The following ADGRL2 variants were observed in gnomAD, a reference collection of about 807,000 sequenced individuals.
The protein encoded by ADGRL2 is adhesion G protein-coupled receptor L2.
ADGRL2 carries 44 observed loss-of-function variants against 157.4 expected under a neutral mutation model. The observed-to-expected ratio is 0.28, with a 90% CI of 0.22 to 0.36. The LOEUF (loss-of-function observed/expected upper bound fraction) is 0.36. Ranked by LOEUF, ADGRL2 falls within the 10% of genes least tolerant of loss-of-function variation. The pLI is 1.00. For missense variants in ADGRL2, 1,510 were observed against 1,768.9 expected (o/e 0.85, Z 2.63); for synonymous variants, 585 against 624.7 (o/e 0.94, Z 0.95).
chr1:81,318,149 T>A (rs1570602564), intron 1 of ADGRL2, among the ~76,000 whole-genome samples: 1 of 152,338 alleles, frequency 6.6e-6, no homozygotes, highest in East Asian at 1.9e-4. Flanking sequence ...TGTTTCATGC[T>A]TTCCTGATTT....
intron 3 of ADGRL2, among the ~76,000 whole-genome samples, chr1:81,668,140 C>A (rs576138375): frequency 6.6e-6 from 1 of 151,982 alleles, no homozygotes; most frequent in African/African-American, 2.4e-5. Context: ...GCAAGTTTTC[C>A]GACCAGGCTC....
chr1:81,498,463 T>G (rs993129041), intron 2 of ADGRL2, among the ~76,000 whole-genome samples: 2 of 152,186 alleles, frequency 1.3e-5, no homozygotes, highest in Non-Finnish European at 2.9e-5. Context: ...CAGAAGAGGT[T>G]TATATCTCTT....
chr1:81,661,031 C>T (rs2082639497), intron 3 of ADGRL2, among the ~76,000 whole-genome samples: 3 of 152,160 alleles, frequency 2.0e-5, no homozygotes, highest in African/African-American at 7.2e-5. Context: ...CTTTTATTAA[C>T]AAATTTTTCT....
chr1:81,379,682 C>T (rs919330622), intron 1 of ADGRL2, among the ~76,000 whole-genome samples: 2 of 152,150 alleles, frequency 1.3e-5, no homozygotes, highest in Non-Finnish European at 2.9e-5. Flanking sequence ...TGTCCGTGTG[C>T]TCTTGTCAGT....
intron 1 of ADGRL2, among the ~76,000 whole-genome samples, chr1:81,350,742 G>T (rs1196544974): frequency 6.6e-6 from 1 of 152,078 alleles, no homozygotes; most frequent in Non-Finnish European, 1.5e-5. Context: ...ACATTTTTTG[G>T]TTTTTTACAT....
intron 2 of ADGRL2, among the ~76,000 whole-genome samples, chr1:81,763,902 A>G (rs1171575211): frequency 6.6e-6 from 1 of 152,010 alleles, no homozygotes; most frequent in Non-Finnish European, 1.5e-5. Context: ...GCTACTCCAG[A>G]GGCTGAGGCA....
chr1:81,326,874 G>A (rs1570628123), intron 1 of ADGRL2, among the ~76,000 whole-genome samples: 2 of 152,116 alleles, frequency 1.3e-5, no homozygotes, highest in Admixed American at 1.3e-4. Context: ...TAAACTGATC[G>A]ATTTCATCCT....
Position 81,907,213 on chromosome 1 carries a change from C to T in ADGRL2, c.270C>T (p.Phe90=), listed in dbSNP as rs976364898. The part of the protein sequence containing the change: ...ENTDCYLPDA[F]KIMTQRCNNR... ...CAGACTGCTACCTCCCCGATGCCTT[C>T]AAAATTATGACTCAAAGGTAAATAT... The change falls in exon 3 of 24, where the codon TTC becomes TTT. Residue 90 remains phenylalanine, a synonymous_variant. Transcript: ENST00000686636. 1.2e-6 allele frequency: 2 copies of T among 1,613,546 alleles called. No homozygotes were observed. The highest frequency in any genetic ancestry group is 1.3e-5 in the African/African-American group (1 of 74,882).
At chr1:81,770,195 C>G (rs1351212781) in intron 2 of ADGRL2, among the ~76,000 whole-genome samples, 40 of 127,410 alleles carry the variant, frequency 3.1e-4, no homozygotes, top group African/African-American at 1.2e-3. Context: ...CCGAGTCTCA[C>G]TCTATAGCCC....
chr1:81,501,387 A>G (rs17106582), intron 2 of ADGRL2, among the ~76,000 whole-genome samples: 1,982 of 152,348 alleles, frequency 0.013, 31 homozygotes, highest in Admixed American at 0.038. Flanking sequence ...TCTCTGGGTC[A>G]TCTCCTATGT....
At chr1:81,853,176 A>G (rs2093077206) in intron 2 of ADGRL2, among the ~76,000 whole-genome samples, 2 of 152,172 alleles carry the variant, frequency 1.3e-5, no homozygotes, top group South Asian at 4.1e-4. Flanking sequence ...GTAAATTGGA[A>G]TTATCACATC....
At chr1:81,777,228 A>G (rs1162556362) in intron 2 of ADGRL2, among the ~76,000 whole-genome samples, 1 of 152,198 alleles carries the variant, frequency 6.6e-6, no homozygotes, top group Non-Finnish European at 1.5e-5. Flanking sequence ...CCATTATTCT[A>G]TACACATCCT....
chr1:81,486,202 C>T, intron 2 of ADGRL2, among the ~76,000 whole-genome samples: 1 of 152,152 alleles, frequency 6.6e-6, no homozygotes, highest in East Asian at 1.9e-4. Context: ...GTCAAAACCC[C>T]TATGTGCACA....
At chr1:81,383,502 A>G (rs2076378077) in intron 1 of ADGRL2, among the ~76,000 whole-genome samples, 2 of 152,128 alleles carry the variant, frequency 1.3e-5, no homozygotes, top group African/African-American at 4.8e-5. Flanking sequence ...ACTTCTCTAG[A>G]AAAGAGTTTG....
At chr1:81,952,219 C>A in intron 9 of ADGRL2, 77 bp downstream of exon 9, 1 of 1,237,936 alleles carries the variant, frequency 8.1e-7, no homozygotes, top group Non-Finnish European at 1.1e-6. Flanking sequence ...CAGTTGAGAG[C>A]CAAATCTTTG....
chr1:81,335,091 T>C (rs187962922), intron 1 of ADGRL2, among the ~76,000 whole-genome samples: 52 of 152,304 alleles, frequency 3.4e-4, no homozygotes, highest in Admixed American at 3.4e-3. Context: ...CAAGGTTGTA[T>C]CTATGAAAAA....
In ADGRL2 at chr1:81,614,062, C is replaced by T. The variant is rs576679827; in HGVS notation, c.-143+33082C>T. Among the ~76,000 whole-genome samples the T allele has an allele frequency of 3.9e-5, 6 of 152,318 alleles. No individual in the cohort carries two copies. In the South Asian group the frequency reaches 1.2e-3, roughly 32 times the overall value. ...CCATCACTGCCTCTGGCACTTCCCT[C>T]CCTGAACACTTCCACTTAGTTCAAT... On this transcript the variant is annotated intron_variant, in intron 3 of 24. Transcript: ENST00000370721.
intron 1 of ADGRL2, among the ~76,000 whole-genome samples, chr1:81,348,265 A>T (rs555316118): frequency 6.6e-6 from 1 of 152,312 alleles, no homozygotes; most frequent in Non-Finnish European, 1.5e-5. Context: ...CCTCCCCAAC[A>T]GACACACACA....
chr1:81,718,798 G>A (rs2084202504), intron 1 of ADGRL2, among the ~76,000 whole-genome samples: 1 of 152,136 alleles, frequency 6.6e-6, no homozygotes, highest in African/African-American at 2.4e-5. Context: ...GCTATAAAAT[G>A]AACAGAATAT....
Sources: allele counts gnomAD v4.1 joint callset (sites outside exome capture counted in the v4.1 genomes callset), GRCh38; gene constraint gnomAD v4.1.1; transcripts MANE v1.5; gene names NCBI Gene and HGNC (gene_info 2026-07-23, HGNC 2026-07-21).